ATP8B4: variants seen among roughly 807,000 people sequenced by gnomAD.
ATP8B4 encodes ATPase phospholipid transporting 8B4 (putative), also known as probable phospholipid-transporting ATPase IM.
ATP8B4 carries 133 observed loss-of-function variants against 145.6 expected under a neutral mutation model. That is an observed-to-expected ratio of 0.91 (90% CI 0.79 to 1.05). The LOEUF is 1.05. Among genes scored for constraint, ATP8B4 ranks in the 50% least tolerant of loss-of-function variants. The pLI is 0.00. For missense variants in ATP8B4, 1,458 were observed against 1,425.2 expected, an observed-to-expected ratio of 1.02 and a Z score of -0.37; for synonymous variants, 507 against 492.9, an observed-to-expected ratio of 1.03 and a Z score of -0.38.
chr15:50,176,172 T>C (rs1339145968), intron 1 of ATP8B4, among the ~76,000 whole-genome samples: 1 of 151,678 alleles, frequency 6.6e-6, no homozygotes, highest in Non-Finnish European at 1.5e-5. Context: ...ACACACACAA[T>C]GGAATACTAC....
chr15:50,166,259 C>T (rs1010546544), intron 1 of ATP8B4, among the ~76,000 whole-genome samples: 1 of 152,098 alleles, frequency 6.6e-6, no homozygotes, highest in Non-Finnish European at 1.5e-5. Context: ...ATCTCCAGTA[C>T]AAGAAATGTT....
intron 26 of ATP8B4, among the ~76,000 whole-genome samples, chr15:49,864,338 T>C (rs1027345156): frequency 6.6e-6 from 1 of 152,250 alleles, no homozygotes; most frequent in African/African-American, 2.4e-5. Context: ...TTAGTCCTTG[T>C]GGTCTTATTT....
intron 1 of ATP8B4, among the ~76,000 whole-genome samples, chr15:50,148,369 A>G (rs1162170840): frequency 6.6e-6 from 1 of 152,222 alleles, no homozygotes; most frequent in East Asian, 1.9e-4. Flanking sequence ...AAAAAGCTAT[A>G]AGACATTGCA....
chr15:49,889,943 C>T (rs2036612475), intron 23 of ATP8B4, among the ~76,000 whole-genome samples: 1 of 152,176 alleles, frequency 6.6e-6, no homozygotes, highest in Non-Finnish European at 1.5e-5. Context: ...ATGAATCATG[C>T]TGTGATTTGA....
At chr15:50,003,288 G>GTGTA (rs1555452366) in intron 7 of ATP8B4, among the ~76,000 whole-genome samples, 1 of 151,598 alleles carries the variant, frequency 6.6e-6, no homozygotes, top group East Asian at 1.9e-4. Context: ...GTGTGTGTGT[G>GTGTA]TGTGTGTGTG....
chr15:50,110,397 T>G (rs1000754428), intron 1 of ATP8B4, among the ~76,000 whole-genome samples: 1 of 152,188 alleles, frequency 6.6e-6, no homozygotes, highest in African/African-American at 2.4e-5. Context: ...TCTTGCAAAT[T>G]TATCAACTCA....
At chr15:50,176,521 A>T (rs1005609117) in intron 1 of ATP8B4, among the ~76,000 whole-genome samples, 10 of 152,178 alleles carry the variant, frequency 6.6e-5, no homozygotes, top group Non-Finnish European at 1.3e-4. Context: ...ATGGAAAAAT[A>T]AAATATTTTT....
intron 13 of ATP8B4, among the ~76,000 whole-genome samples, chr15:49,964,999 T>G (rs1176588250): frequency 5.3e-5 from 8 of 152,196 alleles, no homozygotes; most frequent in African/African-American, 1.9e-4. Flanking sequence ...TTAGAAAGCC[T>G]CTGAAAATAA....
chr15:50,127,384 G>T (rs2057314494), intron 1 of ATP8B4, among the ~76,000 whole-genome samples: 1 of 152,188 alleles, frequency 6.6e-6, no homozygotes, highest in East Asian at 1.9e-4. Context: ...CAGTAACAAT[G>T]GCCTTCCTCT....
intron 9 of ATP8B4, among the ~76,000 whole-genome samples, chr15:49,991,974 A>G (rs1384312452): frequency 6.6e-6 from 1 of 152,118 alleles, no homozygotes; most frequent in African/African-American, 2.4e-5. Flanking sequence ...CTGTCTTTCT[A>G]CTTTGGTTTA....
intron 20 of ATP8B4, among the ~76,000 whole-genome samples, chr15:49,909,905 G>A (rs2039054009): frequency 6.6e-6 from 1 of 152,058 alleles, no homozygotes; most frequent in South Asian, 2.1e-4. Context: ...TACCAGATGT[G>A]CAGATAGCAA....
Position 50,085,627 on chromosome 15 carries a change from A to C in ATP8B4, c.29-11442T>G, listed in dbSNP as rs141084480. The stretch of plus-strand genomic sequence containing the variant: ...TGGAGGTTTGAAATATAGAGCTACA[A>C]GTAAGCCTGTGCAGAATTCTCCCAA... On this transcript the variant is annotated intron_variant, in intron 2 of 27. Coordinates refer to ENST00000284509, the MANE Select transcript of ATP8B4 (RefSeq NM_024837.4). Among the ~76,000 whole-genome samples, 147 of 151,936 alleles carry C rather than the reference A, an allele frequency of 9.7e-4. 1 individual carries two copies. The highest frequency in any genetic ancestry group is 3.4e-3 in the African/African-American group (141 of 41,412).
intron 3 of ATP8B4, among the ~76,000 whole-genome samples, chr15:50,069,187 C>T (rs1199269767): frequency 6.6e-6 from 1 of 152,224 alleles, no homozygotes; most frequent in Admixed American, 6.5e-5. Flanking sequence ...CACATTTTGG[C>T]AGTCTAAATC....
chr15:49,901,572 G>C (rs1159500402), intron 20 of ATP8B4, among the ~76,000 whole-genome samples: 1 of 152,096 alleles, frequency 6.6e-6, no homozygotes, highest in East Asian at 1.9e-4. Context: ...AGCTTCAAGG[G>C]CTTAAGAACC....
intron 21 of ATP8B4, among the ~76,000 whole-genome samples, chr15:49,900,665 C>T (rs920300742): frequency 2.0e-5 from 3 of 152,222 alleles, no homozygotes; most frequent in East Asian, 1.9e-4. Flanking sequence ...GCAATAATTT[C>T]GTATAGTAAT....
chr15:50,099,018 T>C (rs2056174300), intron 2 of ATP8B4, among the ~76,000 whole-genome samples: 1 of 152,154 alleles, frequency 6.6e-6, no homozygotes, highest in South Asian at 2.1e-4. Flanking sequence ...CAAAAGTGCC[T>C]AGAGCCCACA....
In ATP8B4 at chr15:49,897,397, C is replaced by A. The variant is rs1434957629; in HGVS notation, c.2592G>T (p.Trp864Cys). 9 of 1,613,764 alleles carry A rather than the reference C, an allele frequency of 5.6e-6. No individual in the cohort carries two copies. Among genetic ancestry groups the A allele is most frequent in the Non-Finnish European group, 5.9e-6 (7 of 1,179,830 alleles). Residue 864 changes from tryptophan to cysteine, a missense_variant, in exon 23 of 28, where the codon TGG becomes TGT. Trp to Cys is a radical substitution (Grantham distance 215, BLOSUM62 -2). Coordinates refer to ENST00000284509, the MANE Select transcript of ATP8B4 (RefSeq NM_024837.4). ...AGAATTTGCACATTCGGAAATAAGACCACCTTCCATGAACAAGGAGAAGCC... is the reference window on the plus strand; with the variant it reads ...AGAATTTGCACATTCGGAAATAAGAACACCTTCCATGAACAAGGAGAAGCC... ...LQRLLLVHGR[W>C]SYFRMCKFLC...
intron 13 of ATP8B4, among the ~76,000 whole-genome samples, chr15:49,969,948 G>T (rs771076151): frequency 6.6e-5 from 10 of 152,132 alleles, no homozygotes; most frequent in Non-Finnish European, 1.2e-4. Context: ...TTCATCCCTG[G>T]GATGTAAGGT....
At chr15:49,959,353 C>T (rs1172023309) in intron 14 of ATP8B4, among the ~76,000 whole-genome samples, 1 of 151,404 alleles carries the variant, frequency 6.6e-6, no homozygotes, top group Non-Finnish European at 1.5e-5. Flanking sequence ...TATTCTAATC[C>T]AAATTTTTCA....
Sources: allele counts gnomAD v4.1 joint callset (sites outside exome capture counted in the v4.1 genomes callset), GRCh38; gene constraint gnomAD v4.1.1; transcripts MANE v1.5; gene names NCBI Gene and HGNC (gene_info 2026-07-23, HGNC 2026-07-21).